The following FMN1 variants were observed in gnomAD, a reference collection of about 807,000 sequenced individuals.
The protein encoded by FMN1 is formin 1.
FMN1 carries 110 observed loss-of-function variants against 132.4 expected under a neutral mutation model. The ratio of observed to expected loss-of-function variants is 0.83; its 90% CI spans 0.71 to 0.97. FMN1 has a LOEUF of 0.97. Among genes scored for constraint, FMN1 ranks in the 50% least tolerant of loss-of-function variants. FMN1 has a pLI of 0.00. For missense variants in FMN1, 1,792 were observed against 1,705.3 expected (o/e 1.05, Z -0.90); for synonymous variants, 722 against 651.7 (o/e 1.11, Z -1.64).
intron 16 of FMN1, among the ~76,000 whole-genome samples, chr15:32,887,097 T>C (rs1241728502): frequency 6.6e-6 from 1 of 152,156 alleles, no homozygotes; most frequent in Non-Finnish European, 1.5e-5. Context: ...AAAGTAAAAA[T>C]AAATGGCTCT....
intron 6 of FMN1, among the ~76,000 whole-genome samples, chr15:33,016,016 G>A (rs1220870484): frequency 1.3e-5 from 2 of 152,116 alleles, no homozygotes; most frequent in Admixed American, 6.5e-5. Context: ...TGGAATCTCT[G>A]AGGCTACTTT....
At chr15:33,151,301 A>G (rs1391652978) in intron 4 of FMN1, 1 of 1,536,384 alleles carries the variant, frequency 6.5e-7, no homozygotes, top group Admixed American at 2.0e-5. Flanking sequence ...TTCTTCTTTT[A>G]TAAGGTTAGA....
chr15:33,089,919 G>A (rs1239354799), intron 4 of FMN1, among the ~76,000 whole-genome samples: 1 of 152,194 alleles, frequency 6.6e-6, no homozygotes, highest in African/African-American at 2.4e-5. Flanking sequence ...ATTCATGTTA[G>A]CATATTAAAG....
intron 17 of FMN1, among the ~76,000 whole-genome samples, chr15:32,834,103 C>T (rs1466707204): frequency 6.6e-6 from 1 of 152,174 alleles, no homozygotes; most frequent in Non-Finnish European, 1.5e-5. Flanking sequence ...AGGCTGGACC[C>T]TAGCATGCCT....
intron 17 of FMN1, among the ~76,000 whole-genome samples, chr15:32,839,902 A>G (rs2058708589): frequency 6.6e-6 from 1 of 151,558 alleles, no homozygotes; most frequent in Non-Finnish European, 1.5e-5. Context: ...CTACAGGTAC[A>G]CTGAAGAACT....
chr15:32,982,315 G>A (rs926840314), intron 7 of FMN1, among the ~76,000 whole-genome samples: 3 of 152,176 alleles, frequency 2.0e-5, no homozygotes, highest in African/African-American at 7.2e-5. Context: ...GATTGCTGAT[G>A]GGAATGGACA....
At chr15:33,084,116 G>C (rs188376481) in intron 5 of FMN1, among the ~76,000 whole-genome samples, 1 of 152,226 alleles carries the variant, frequency 6.6e-6, no homozygotes, top group East Asian at 1.9e-4. Context: ...AATAACTACA[G>C]GTATATTCAG....
chr15:32,782,162 T>C (rs567286825), intron 19 of FMN1, among the ~76,000 whole-genome samples: 1 of 152,360 alleles, frequency 6.6e-6, no homozygotes, highest in East Asian at 1.9e-4. Flanking sequence ...GTAGGTGTCT[T>C]ATTTTTCTTA....
intron 17 of FMN1, among the ~76,000 whole-genome samples, chr15:32,844,001 A>G (rs1367757582): frequency 6.6e-6 from 1 of 152,252 alleles, no homozygotes; most frequent in African/African-American, 2.4e-5. Context: ...CAAAATTTAA[A>G]TAAAAAAACT....
intron 15 of FMN1, among the ~76,000 whole-genome samples, chr15:32,892,921 CTG>C (rs1407587786): frequency 6.6e-6 from 1 of 152,190 alleles, no homozygotes; most frequent in East Asian, 1.9e-4. Context: ...GAGGCAGAAA[CTG>C]TGTCTTGTTC....
intron 17 of FMN1, among the ~76,000 whole-genome samples, chr15:32,839,358 C>T (rs904469138): frequency 3.3e-5 from 5 of 152,140 alleles, no homozygotes; most frequent in African/African-American, 9.7e-5. Context: ...CAACTGTGTT[C>T]AGGTGAACTT....
intron 5 of FMN1, among the ~76,000 whole-genome samples, chr15:33,066,209 T>C (rs983009010): frequency 2.6e-5 from 4 of 152,200 alleles, no homozygotes; most frequent in African/African-American, 9.6e-5. Flanking sequence ...CATTTCCTCA[T>C]GCTACCTAGT....
chr15:33,009,108 G>T (rs147489368), intron 6 of FMN1, among the ~76,000 whole-genome samples: 295 of 152,288 alleles, frequency 1.9e-3, no homozygotes, highest in African/African-American at 6.8e-3. Context: ...CTCTACTGTT[G>T]TGGGGAAGGT....
chr15:32,939,481 A>G (rs1370419899), intron 9 of FMN1, among the ~76,000 whole-genome samples: 2 of 152,224 alleles, frequency 1.3e-5, no homozygotes, highest in Admixed American at 1.3e-4. Flanking sequence ...AACCAATATT[A>G]CTACTTCGCT....
At chr15:33,027,563 T>A (rs150849886) in intron 6 of FMN1, among the ~76,000 whole-genome samples, 317 of 150,410 alleles carry the variant, frequency 2.1e-3, no homozygotes, top group African/African-American at 7.4e-3. Context: ...TTTTAGACAT[T>A]TCAGTTTAAC....
intron 17 of FMN1, among the ~76,000 whole-genome samples, chr15:32,818,085 T>C (rs931633495): frequency 2.6e-5 from 4 of 152,182 alleles, no homozygotes; most frequent in Non-Finnish European, 4.4e-5. Context: ...ATGGCCACTA[T>C]TAATATGCTG....
chr15:33,109,559 G>A (rs192284868), intron 4 of FMN1, among the ~76,000 whole-genome samples: 53 of 152,116 alleles, frequency 3.5e-4, no homozygotes, highest in African/African-American at 1.2e-3. Context: ...TGGAGCTGGA[G>A]GCTACTATCC....
chr15:33,102,136 CTAATT>C (rs1407935906), intron 4 of FMN1, among the ~76,000 whole-genome samples: 1 of 152,192 alleles, frequency 6.6e-6, no homozygotes. Context: ...CCGTTATGTG[CTAATT>C]TATTTTATGT....
At chr15:33,014,132 T>TA (rs2034898151) in intron 6 of FMN1, among the ~76,000 whole-genome samples, 1 of 152,262 alleles carries the variant, frequency 6.6e-6, no homozygotes, top group Non-Finnish European at 1.5e-5. Context: ...AGGAGGAAGC[T>TA]AATGCCTTTA....
Sources: gnomAD v4.1 joint callset for allele counts (sites outside exome capture counted in the v4.1 genomes callset) on GRCh38, gnomAD v4.1.1 for gene constraint, MANE v1.5 for transcripts, NCBI Gene and HGNC (gene_info 2026-07-23, HGNC 2026-07-21) for gene names.